Variants in LTBP2 observed in about 807,000 individuals in gnomAD.
LTBP2 encodes the protein latent-transforming growth factor beta-binding protein 2.
A neutral mutation model predicts 210.6 loss-of-function variants in LTBP2; 103 were observed. That is an observed-to-expected ratio of 0.49 (90% confidence interval 0.42 to 0.58). The LOEUF (loss-of-function observed/expected upper bound fraction) is 0.58, where lower values mean the gene tolerates loss of function less well. Among genes scored for constraint, LTBP2 ranks in the 20% least tolerant of loss-of-function variants. LTBP2 has a pLI of 0.00. For synonymous variants in LTBP2, 1,007 were observed against 1,015.0 expected, an observed-to-expected ratio of 0.99 and a Z score of 0.15; for missense variants, 2,313 against 2,494.5, an observed-to-expected ratio of 0.93 and a Z score of 1.55.
chr14:74,577,894 C>T (rs2088081403), intron 3 of LTBP2, among the ~76,000 whole-genome samples: 1 of 152,108 alleles, frequency 6.6e-6, no homozygotes, highest in African/African-American at 2.4e-5. Context: ...AGAAGATTTT[C>T]CCAAGGTCTC....
intron 8 of LTBP2, among the ~76,000 whole-genome samples, chr14:74,538,426 G>A (rs2087450316): frequency 6.6e-6 from 1 of 152,142 alleles, no homozygotes; most frequent in African/African-American, 2.4e-5. Flanking sequence ...GATTGCTTGT[G>A]ATTATGGGAC....
chr14:74,597,111 C>T (rs2088377236), intron 2 of LTBP2, among the ~76,000 whole-genome samples: 1 of 152,158 alleles, frequency 6.6e-6, no homozygotes, highest in Non-Finnish European at 1.5e-5. Flanking sequence ...TAGTAGTGAG[C>T]AGAGGAGAAG....
At chr14:74,552,493 C>T (rs774270088) in intron 5 of LTBP2, 100 bp from the exon 6 acceptor site, 111 of 1,105,138 alleles carry the variant, frequency 1.0e-4, no homozygotes, top group Non-Finnish European at 1.4e-4. Context: ...GAACCCTGAC[C>T]CTAGATGGCT....
chr14:74,564,241 A>T (rs866438806), intron 3 of LTBP2, among the ~76,000 whole-genome samples: 2 of 21,364 alleles, frequency 9.4e-5, no homozygotes, highest in African/African-American at 2.9e-4. Flanking sequence ...ATTTATATAT[A>T]TTTATATATA....
At chr14:74,540,877 A>ATATATATATTATATATATTTATATATAAT (rs1491410493) in intron 8 of LTBP2, among the ~76,000 whole-genome samples, 4 of 79,520 alleles carry the variant, frequency 5.0e-5, no homozygotes, top group Admixed American at 2.1e-4. Context: ...TTATATATAT[A>ATATATATATTATATATATTTATATATAAT]ATATATATAT....
chr14:74,574,226 C>T (rs1197303739), intron 3 of LTBP2, among the ~76,000 whole-genome samples: 2 of 152,192 alleles, frequency 1.3e-5, no homozygotes, highest in Non-Finnish European at 2.9e-5. Context: ...TAATCTTACC[C>T]TAACCACTAC....
At chr14:74,564,087 T>A (rs12892103) in intron 3 of LTBP2, among the ~76,000 whole-genome samples, 7 of 14,334 alleles carry the variant, frequency 4.9e-4, no homozygotes, top group African/African-American at 2.2e-3. Context: ...ATATATATAT[T>A]TATATATATA....
intron 3 of LTBP2, among the ~76,000 whole-genome samples, chr14:74,575,679 C>T (rs2088048067): frequency 6.6e-6 from 1 of 152,214 alleles, no homozygotes; most frequent in Non-Finnish European, 1.5e-5. Flanking sequence ...CCAAGGGACC[C>T]TCCACAAGCC....
chr14:74,558,110 C>T (rs1398699401), intron 3 of LTBP2, among the ~76,000 whole-genome samples: 1 of 152,200 alleles, frequency 6.6e-6, no homozygotes, highest in African/African-American at 2.4e-5. Flanking sequence ...AGAAGGCAAA[C>T]TAGGACTGGC....
intron 3 of LTBP2, among the ~76,000 whole-genome samples, chr14:74,573,304 G>A (rs1226845661): frequency 1.3e-5 from 2 of 152,236 alleles, no homozygotes; most frequent in African/African-American, 4.8e-5. Flanking sequence ...TCCTCACAGG[G>A]TCATGGCAAG....
chr14:74,528,941 T>C lies in LTBP2; in HGVS notation c.2152+17A>G, dbSNP rs369504405. 141 of 1,610,296 alleles carry C rather than the reference T, an allele frequency of 8.8e-5. 1 individual carries two copies. In the African/African-American group the frequency reaches 1.4e-3, roughly 16 times the overall value. On this transcript the variant is annotated intron_variant, in intron 11 of 35. Transcript: ENST00000261978. ...AGCCCCTGGGCAGTGAAAGCTGGGA[T>C]GGGAACAGGAGGTTACCTGTGCCAG...
At chr14:74,610,476 C>T (rs1404769548) in intron 1 of LTBP2, among the ~76,000 whole-genome samples, 1 of 152,204 alleles carries the variant, frequency 6.6e-6, no homozygotes, top group Non-Finnish European at 1.5e-5. Context: ...AGGACTAAAC[C>T]CAACTGGCAA....
At chr14:74,555,789 A>T (rs1202121662) in intron 3 of LTBP2, 96 bp from the exon 4 acceptor site, 2 of 921,896 alleles carry the variant, frequency 2.2e-6, no homozygotes, top group Non-Finnish European at 3.0e-6. Flanking sequence ...TTTGCACAAG[A>T]AAAATGCTCT....
intron 3 of LTBP2, among the ~76,000 whole-genome samples, chr14:74,569,927 T>C (rs2087953382): frequency 6.6e-6 from 1 of 152,018 alleles, no homozygotes; most frequent in South Asian, 2.1e-4. Context: ...AAAGCTCATC[T>C]CACCCCTCCC....
intron 3 of LTBP2, among the ~76,000 whole-genome samples, chr14:74,582,802 C>A (rs1473445384): frequency 1.3e-5 from 2 of 152,230 alleles, no homozygotes; most frequent in Non-Finnish European, 2.9e-5. Flanking sequence ...GAATCAGAAC[C>A]TGCATGTTGA....
intron 18 of LTBP2, among the ~76,000 whole-genome samples, chr14:74,516,502 G>A (rs184791899): frequency 3.3e-5 from 5 of 152,156 alleles, no homozygotes; most frequent in African/African-American, 9.7e-5. Flanking sequence ...CAGACACACC[G>A]ACTCTTCCTC....
intron 8 of LTBP2, among the ~76,000 whole-genome samples, chr14:74,547,942 T>C (rs1025978208): frequency 3.3e-5 from 5 of 152,156 alleles, no homozygotes; most frequent in African/African-American, 1.2e-4. Flanking sequence ...GCAAGAGACA[T>C]ACTGTGCTCC....
Position 74,538,268 on chromosome 14 carries a change from A to G in LTBP2, c.1790-2268T>C, listed in dbSNP as rs191124743. On this transcript the variant is annotated intron_variant, in intron 8 of 35. Transcript: ENST00000261978. ...TTTGTTATTAGTAATGGCCTACATC[A>G]ATCTGTATTTCATATAGTCTTCTCG... 1.0e-3 allele frequency among the ~76,000 whole-genome samples: 152 copies of G among 152,198 alleles called. 3 individuals are homozygous for G. The highest frequency in any genetic ancestry group is 6.8e-3 in the Middle Eastern group (2 of 294).
intron 3 of LTBP2, among the ~76,000 whole-genome samples, chr14:74,573,930 A>G (rs955458315): frequency 1.3e-5 from 2 of 152,178 alleles, no homozygotes; most frequent in South Asian, 2.1e-4. Context: ...ACTTGATAGC[A>G]CGACTGGGGA....
Sources: allele counts gnomAD v4.1 joint callset (sites outside exome capture counted in the v4.1 genomes callset), GRCh38; gene constraint gnomAD v4.1.1; transcripts MANE v1.5; gene names NCBI Gene and HGNC (gene_info 2026-07-23, HGNC 2026-07-21).